Variants in H6PD observed in about 807,000 individuals in gnomAD.
H6PD encodes GDH/6PGL endoplasmic bifunctional protein.
H6PD carries 48 observed loss-of-function variants against 61.2 expected under a neutral mutation model. That is an observed-to-expected ratio of 0.78 (90% CI 0.62 to 1.00). H6PD has a LOEUF of 1.00. H6PD is among the 50% of genes least tolerant of loss of function. H6PD has a pLI of 0.00. For synonymous variants in H6PD, 480 were observed against 457.9 expected, an observed-to-expected ratio of 1.05 and a Z score of -0.62; for missense variants, 1,093 against 1,065.0, an observed-to-expected ratio of 1.03 and a Z score of -0.37.
chr1:9,259,815 G>A (rs574401591), intron 3 of H6PD, among the ~76,000 whole-genome samples: 45 of 124,440 alleles, frequency 3.6e-4, no homozygotes, highest in African/African-American at 9.5e-4. Context: ...TGTTACGGTG[G>A]TGTTATGTTG....
chr1:9,245,548 AC>A lies in H6PD; in HGVS notation c.615del (p.Leu206Ter). 6.2e-7 allele frequency: 1 copy of A among 1,614,058 alleles called. No homozygotes were observed. The highest frequency in any genetic ancestry group is 8.5e-7 in the Non-Finnish European group (1 of 1,179,990). ...GAGGAGATGTACCGGGTGGACCATT[AC>A]TTAGGCAAGCAGGTGAGCATCAGCA... ...QEEEMYRVDHYLGKQAVAQIL... is the reference protein window; with the variant it reads ...QEEEMYRVDHXLGKQAVAQIL... On this transcript the variant is annotated frameshift_variant, in exon 2 of 5. Transcript: ENST00000377403. LOFTEE classifies it high-confidence loss of function. This position sits in a 1 kb window ranked among gnomAD's most constrained non-coding sequence, Gnocchi z 4.8.
At chr1:9,248,831 T>G (rs930938971) in intron 3 of H6PD, among the ~76,000 whole-genome samples, 36 of 152,310 alleles carry the variant, frequency 2.4e-4, no homozygotes, top group African/African-American at 8.4e-4. Flanking sequence ...TGAGCCTTCA[T>G]GGGTCTCAGG....
Position 9,263,869 on chromosome 1 carries a change from C to G in H6PD, c.1376C>G (p.Ser459Cys). ...YSPVRERDAH[S>C]VLLSHIFHGR... ...CCTGTGCGGGAGCGGGACGCCCACTCCGTCCTCTTATCCCATATCTTCCAT... is the reference window on the plus strand; with the variant it reads ...CCTGTGCGGGAGCGGGACGCCCACTGCGTCCTCTTATCCCATATCTTCCAT... The change falls in exon 5 of 5, where the codon TCC becomes TGC. Residue 459 changes from serine to cysteine, a missense_variant. Coordinates refer to ENST00000377403, the MANE Select transcript of H6PD (RefSeq NM_004285.4). 1 of 1,614,116 alleles carries G rather than the reference C, an allele frequency of 6.2e-7. No homozygotes were observed. The highest frequency in any genetic ancestry group is 8.5e-7 in the Non-Finnish European group (1 of 1,180,026).
chr1:9,263,747 G>C lies in H6PD; in HGVS notation c.1254G>C (p.Leu418=), dbSNP rs758491842. The C allele has an allele frequency of 1.9e-6, 3 of 1,614,022 alleles. No homozygotes were observed. The highest frequency in any genetic ancestry group is 1.1e-5 in the South Asian group (1 of 91,090). Reference sequence around the variant, plus strand: ...CTGCCGTGCTGGTCAGCAGGAACCTGTTCAGGCCCTCCCTGCCCTCCAGCT... The same window carrying C: ...CTGCCGTGCTGGTCAGCAGGAACCTCTTCAGGCCCTCCCTGCCCTCCAGCT... ...GSPAVLVSRN[L]FRPSLPSSWK... The change falls in exon 5 of 5, where the codon CTG becomes CTC. Residue 418 remains leucine (L), a synonymous_variant. Coordinates refer to ENST00000377403, the MANE Select transcript of H6PD (RefSeq NM_004285.4).
chr1:9,250,296 C>T (rs1369633856), intron 3 of H6PD, among the ~76,000 whole-genome samples: 2 of 152,108 alleles, frequency 1.3e-5, no homozygotes, highest in Non-Finnish European at 2.9e-5. Flanking sequence ...CAGAATGTTT[C>T]CAAGGCAGGA....
chr1:9,246,653 A>G (rs1641183756), intron 2 of H6PD, among the ~76,000 whole-genome samples: 1 of 152,204 alleles, frequency 6.6e-6, no homozygotes, highest in South Asian at 2.1e-4. Flanking sequence ...AATGTGCTCA[A>G]TTCAGAGCTT....
chr1:9,250,811 C>T (rs186815678), intron 3 of H6PD, among the ~76,000 whole-genome samples: 370 of 152,354 alleles, frequency 2.4e-3, no homozygotes, highest in Non-Finnish European at 3.8e-3. Context: ...TGTCTTCCCC[C>T]ACCCGCATCA....
At chr1:9,256,227 G>A (rs556814026) in intron 3 of H6PD, among the ~76,000 whole-genome samples, 60 of 152,286 alleles carry the variant, frequency 3.9e-4, no homozygotes, top group African/African-American at 1.4e-3. Flanking sequence ...GAACTTGAAG[G>A]CCACAACACT....
intron 1 of H6PD, among the ~76,000 whole-genome samples, chr1:9,244,331 C>T (rs952817292): frequency 7.2e-5 from 11 of 152,340 alleles, no homozygotes; most frequent in Middle Eastern, 6.8e-3. Context: ...AATAATTGTG[C>T]ACTTACTAAG....
chr1:9,250,310 G>A (rs74053623), intron 3 of H6PD, among the ~76,000 whole-genome samples: 3,123 of 152,138 alleles, frequency 0.021, 127 homozygotes, highest in African/African-American at 0.071. Flanking sequence ...GGCAGGATTC[G>A]GAGCCCGCGG....
chr1:9,260,743 T>C (rs1638237315), intron 3 of H6PD, among the ~76,000 whole-genome samples: 1 of 152,136 alleles, frequency 6.6e-6, no homozygotes, highest in Middle Eastern at 3.2e-3. Flanking sequence ...TATGTTGCTG[T>C]TGTTATGCTG....
rs1272584466 is a variant in H6PD, at chr1:9,254,226, G to A, written c.745+7143G>A. ...AAAAATTATCCAGGCATGGTAGTTT[G>A]TGCCTGTAATCCCAGCTACTCGGGA... On this transcript the variant is annotated intron_variant, in intron 3 of 4. Coordinates refer to ENST00000377403, the MANE Select transcript of H6PD (RefSeq NM_004285.4). The surrounding 1 kb of genome is among the most constrained non-coding windows in gnomAD (Gnocchi z 4.6). 6.6e-6 allele frequency among the ~76,000 whole-genome samples: 1 copy of A among 152,152 alleles called. No homozygotes were observed. The highest frequency in any genetic ancestry group is 1.5e-5 in the Non-Finnish European group (1 of 68,028).
intron 3 of H6PD, among the ~76,000 whole-genome samples, chr1:9,257,303 A>G (rs1209766668): frequency 1.3e-5 from 2 of 149,556 alleles, no homozygotes; most frequent in Non-Finnish European, 3.0e-5. Flanking sequence ...TTTTTTTTTT[A>G]ATTTTTTGTA....
At chr1:9,247,529 G>A (rs1024102961) in intron 3 of H6PD, among the ~76,000 whole-genome samples, 1 of 152,006 alleles carries the variant, frequency 6.6e-6, no homozygotes, top group African/African-American at 2.4e-5. Context: ...GGCCCTCCAG[G>A]AAGACTTTCT....
At chr1:9,237,432 C>T (rs1416449236) in intron 1 of H6PD, among the ~76,000 whole-genome samples, 2 of 151,746 alleles carry the variant, frequency 1.3e-5, no homozygotes, top group Non-Finnish European at 2.9e-5. Context: ...GGGGTTTCAC[C>T]GTGTTGGCCA....
chr1:9,242,934 G>A (rs1278933510), intron 1 of H6PD: 1 of 985,356 alleles, frequency 1.0e-6, no homozygotes, highest in East Asian at 1.1e-4. Flanking sequence ...GACAGGGACT[G>A]GAAAGCAGGA....
At position 9,264,770 on chromosome 1, in the gene H6PD, C is replaced by T; in HGVS notation, c.2277C>T (p.Ser759=). 3 of 1,613,142 alleles carry T rather than the reference C, an allele frequency of 1.9e-6. No homozygotes were observed. Among genetic ancestry groups the T allele is most frequent in the Non-Finnish European group, 2.5e-6 (3 of 1,180,010 alleles). ...RMKREITTLV[S]RVGHEPKKWP... is the part of the protein sequence containing the mutation. ...AGCGTGAGATCACCACGCTGGTGAG[C>T]CGGGTGGGCCATGAGCCCAAGAAGT... The change falls in exon 5 of 5, where the codon AGC becomes AGT. Residue 759 remains serine, a synonymous_variant. Coordinates refer to ENST00000377403, the MANE Select transcript of H6PD (RefSeq NM_004285.4).
At chr1:9,247,149 T>G in intron 3 of H6PD, 66 bp downstream of exon 3, 2 of 1,086,736 alleles carry the variant, frequency 1.8e-6, no homozygotes, top group Non-Finnish European at 2.9e-6. Flanking sequence ...CGGTGAGGCA[T>G]GGGGCGCTTC....
In H6PD at chr1:9,264,960, C is replaced by T. The variant is rs1188090178; in HGVS notation, c.*91C>T. On this transcript the variant is annotated 3_prime_UTR_variant, in exon 5 of 5. Coordinates refer to ENST00000377403, the MANE Select transcript of H6PD (RefSeq NM_004285.4). ...TCGGCCCCGCCACCTGCCCAGCGTG[C>T]CCTGGCTCTCCAGAACCTTCTATCC... The T allele has an allele frequency of 2.2e-6, 3 of 1,393,952 alleles. No homozygotes were observed. The African/African-American group carries it at 4.3e-5, about 20-fold the overall frequency. The allele number at this position is 1,393,952 out of a possible 1,614,324, so 86.3% of individuals were successfully genotyped here.
Sources: allele counts gnomAD v4.1 joint callset (sites outside exome capture counted in the v4.1 genomes callset), GRCh38; gene constraint gnomAD v4.1.1; non-coding constraint Gnocchi (gnomAD v3.1); transcripts MANE v1.5; gene names NCBI Gene and HGNC (gene_info 2026-07-23, HGNC 2026-07-21).